Variants in MPP7 observed in about 807,000 individuals in gnomAD.
MPP7 encodes the protein MAGUK p55 scaffold protein 7.
Under a neutral mutation model 76.5 loss-of-function variants are expected in MPP7, and 60 were observed. The ratio of observed to expected loss-of-function variants is 0.78; its 90% CI spans 0.64 to 0.97. The LOEUF (loss-of-function observed/expected upper bound fraction) is 0.97. MPP7 is among the 50% of genes least tolerant of loss of function. MPP7 has a pLI of 0.00. For missense variants in MPP7, 641 were observed against 694.0 expected (o/e 0.92, Z 0.86); for synonymous variants, 237 against 244.5 (o/e 0.97, Z 0.29).
intron 2 of MPP7, among the ~76,000 whole-genome samples, chr10:28,221,665 T>C (rs1193026912): frequency 1.3e-5 from 2 of 152,162 alleles, no homozygotes; most frequent in Admixed American, 1.3e-4. Flanking sequence ...CCCTTCAAGA[T>C]ACGTACGGAG....
At chr10:28,199,076 C>G (rs1218976573) in intron 3 of MPP7, among the ~76,000 whole-genome samples, 1 of 152,066 alleles carries the variant, frequency 6.6e-6, no homozygotes, top group Non-Finnish European at 1.5e-5. Context: ...TCGTGGTAAG[C>G]AAGAGAGGAT....
At chr10:28,216,083 G>A (rs1212292363) in intron 2 of MPP7, among the ~76,000 whole-genome samples, 1 of 151,924 alleles carries the variant, frequency 6.6e-6, no homozygotes, top group African/African-American at 2.4e-5. Flanking sequence ...TCCCCCAATT[G>A]ACCTTTGGCC....
At chr10:28,161,494 A>G (rs560005330) in intron 3 of MPP7, among the ~76,000 whole-genome samples, 55 of 152,286 alleles carry the variant, frequency 3.6e-4, no homozygotes, top group African/African-American at 1.3e-3. Context: ...CTATTATACA[A>G]GAAGCTTTGC....
chr10:28,126,912 C>A (rs542985410), intron 6 of MPP7, among the ~76,000 whole-genome samples: 1 of 152,296 alleles, frequency 6.6e-6, no homozygotes, highest in Admixed American at 6.5e-5. Context: ...GAAAGAGACA[C>A]TTGGCCAGCC....
intron 11 of MPP7, among the ~76,000 whole-genome samples, chr10:28,106,471 G>T (rs111818055): frequency 1.8e-3 from 269 of 152,272 alleles, no homozygotes; most frequent in Non-Finnish European, 2.3e-3. Context: ...TATATTGGGG[G>T]CTGTTTAGCC....
intron 2 of MPP7, among the ~76,000 whole-genome samples, chr10:28,210,752 T>C (rs1838104771): frequency 6.6e-6 from 1 of 152,242 alleles, no homozygotes; most frequent in African/African-American, 2.4e-5. Flanking sequence ...TGGCAAATTC[T>C]GGCTGTATGA....
intron 11 of MPP7, among the ~76,000 whole-genome samples, chr10:28,104,134 G>T (rs1298027760): frequency 6.6e-6 from 1 of 152,034 alleles, no homozygotes; most frequent in East Asian, 1.9e-4. Context: ...TTGGCTAGGT[G>T]AAAAGAAAAA....
chr10:28,314,992 A>G (rs543034057), intron 2 of MPP7, among the ~76,000 whole-genome samples: 4 of 152,132 alleles, frequency 2.6e-5, no homozygotes, highest in African/African-American at 9.6e-5. Flanking sequence ...TACAAAAAAT[A>G]TAAAAATTAG....
intron 3 of MPP7, among the ~76,000 whole-genome samples, chr10:28,181,915 G>A (rs938761680): frequency 6.6e-6 from 1 of 152,160 alleles, no homozygotes; most frequent in Non-Finnish European, 1.5e-5. Context: ...ATAAACCTCC[G>A]ACTCATACAT....
Position 28,056,604 on chromosome 10 carries a change from G to T in MPP7, c.1427C>A (p.Thr476Lys). 6.3e-7 allele frequency: 1 copy of T among 1,597,774 alleles called. No homozygotes were observed. The highest frequency in any genetic ancestry group is 8.5e-7 in the Non-Finnish European group (1 of 1,176,226). Residue 476 changes from threonine (T) to lysine (K), a missense_variant, in exon 16 of 17, where the codon ACA (threonine) becomes AAA (lysine). Physicochemically the swap from Thr to Lys is moderately conservative, Grantham distance 78. Transcript: ENST00000683449. ...VQPHTVKHLRTLEFKPYVIFI... is the reference protein window; with the variant it reads ...VQPHTVKHLRKLEFKPYVIFI... ...TATCACATAGGGCTTAAATTCTAGT[G>T]TCCTTAAATGCTTCACTGTCTACAA...
intron 3 of MPP7, among the ~76,000 whole-genome samples, chr10:28,193,666 T>C (rs1267273799): frequency 6.6e-6 from 1 of 151,886 alleles, no homozygotes; most frequent in African/African-American, 2.4e-5. Flanking sequence ...CAAATACATA[T>C]CTGATAAAAG....
intron 12 of MPP7, among the ~76,000 whole-genome samples, chr10:28,087,078 T>C (rs74426362): frequency 0.012 from 1,839 of 152,276 alleles, 53 homozygotes; most frequent in East Asian, 0.12. Flanking sequence ...TAAGAGCAGA[T>C]CCCTCATGAA....
At chr10:28,223,865 G>T (rs757968617) in intron 2 of MPP7, among the ~76,000 whole-genome samples, 3 of 150,164 alleles carry the variant, frequency 2.0e-5, no homozygotes, top group Non-Finnish European at 3.0e-5. Context: ...TAATGTCATT[G>T]GTCTTTATCT....
intron 4 of MPP7, 106 bp downstream of exon 4, chr10:28,149,875 TG>T (rs1835822204): frequency 2.1e-5 from 14 of 663,762 alleles, no homozygotes; most frequent in Admixed American, 3.1e-5. Flanking sequence ...TAACCTCTTC[TG>T]CTTTTCACTC....
At chr10:28,331,717 G>A (rs2133193585) in intron 1 of MPP7, among the ~76,000 whole-genome samples, 1 of 152,130 alleles carries the variant, frequency 6.6e-6, no homozygotes, top group East Asian at 1.9e-4. Flanking sequence ...TGGGATTACA[G>A]GTGCACACCA....
intron 3 of MPP7, among the ~76,000 whole-genome samples, chr10:28,173,929 TTTTTC>T (rs756707693): frequency 2.0e-5 from 3 of 152,110 alleles, no homozygotes; most frequent in Non-Finnish European, 2.9e-5. Context: ...TGCCAACAGA[TTTTTC>T]TGCAAATAAG....
chr10:28,210,426 C>G (rs886650834), intron 2 of MPP7, among the ~76,000 whole-genome samples: 10 of 152,064 alleles, frequency 6.6e-5, no homozygotes, highest in African/African-American at 1.9e-4. Flanking sequence ...TTGGAGAACC[C>G]AAACACAGCT....
upstream of MPP7, among the ~76,000 whole-genome samples, chr10:28,306,613 G>T (rs561758420): frequency 1.3e-5 from 2 of 151,780 alleles, no homozygotes; most frequent in African/African-American, 4.8e-5. Context: ...TTGCCACTGC[G>T]TTCCAGCCTG....
intron 12 of MPP7, among the ~76,000 whole-genome samples, chr10:28,082,789 C>T (rs557882228): frequency 5.9e-5 from 9 of 151,896 alleles, no homozygotes; most frequent in South Asian, 2.1e-4. Flanking sequence ...TTTTTAGAGA[C>T]GAGGTTTCAC....
Sources: allele counts gnomAD v4.1 joint callset (sites outside exome capture counted in the v4.1 genomes callset), GRCh38; gene constraint gnomAD v4.1.1; transcripts MANE v1.5; gene names NCBI Gene and HGNC (gene_info 2026-07-23, HGNC 2026-07-21).